Variants in CNTNAP1 observed in about 807,000 individuals in gnomAD.
CNTNAP1 encodes the protein contactin-associated protein 1.
A neutral mutation model predicts 161.5 loss-of-function variants in CNTNAP1; 80 were observed. The ratio of observed to expected loss-of-function variants is 0.50; its 90% confidence interval spans 0.41 to 0.60. The LOEUF is 0.60. Among genes scored for constraint, CNTNAP1 ranks in the 20% least tolerant of loss-of-function variants. The pLI is 0.00. For synonymous variants in CNTNAP1, 695 were observed against 733.1 expected (o/e 0.95, Z 0.84); for missense variants, 1,464 against 1,854.8 (o/e 0.79, Z 3.87).
chr17:42,686,476 T>TTTTTTG (rs1555642224), intron 6 of CNTNAP1, among the ~76,000 whole-genome samples: 102 of 116,964 alleles, frequency 8.7e-4, no homozygotes, highest in Middle Eastern at 3.9e-3. Context: ...CCTGTTTTTT[T>TTTTTTG]TTTTTTTTTT....
In CNTNAP1 at chr17:42,690,914, C is replaced by T. The variant is rs1266800723; in HGVS notation, c.2031C>T (p.Cys677=). 6.2e-7 allele frequency: 1 copy of T among 1,614,188 alleles called. No homozygotes were observed. The highest frequency in any genetic ancestry group is 8.5e-7 in the Non-Finnish European group (1 of 1,180,040). ...GTGAACAGTGGATCGAGTTCTCCTG[C>T]TACAATTCCCGGCTGCTCAACACTG... ...QHCEQWIEFS[C]YNSRLLNTAG... The change falls in exon 13 of 24, where the codon TGC becomes TGT. Residue 677 remains cysteine (C), a synonymous_variant. Transcript: ENST00000264638.
rs1320893924 is a variant in CNTNAP1 at position 42,691,496 on chromosome 17, C to T, written c.2329C>T (p.Arg777Cys). ...GGCCCAGTTCTTCCTGAGGCCTCTGCGCTGCTATGGCGATCGTGAGTGGCA... is the reference window on the plus strand; with the variant it reads ...GGCCCAGTTCTTCCTGAGGCCTCTGTGCTGCTATGGCGATCGTGAGTGGCA... ...SEAQFFLRPL[R>C]CYGDRNSWNT... The change falls in exon 15 of 24, where the codon CGC becomes TGC. Residue 777 changes from arginine (R) to cysteine (C), a missense_variant. Transcript: ENST00000264638. This position sits in a 1 kb window ranked among gnomAD's most constrained non-coding sequence, Gnocchi z 4.3. 3.1e-6 allele frequency: 5 copies of T among 1,613,934 alleles called. No individual in the cohort carries two copies. Among genetic ancestry groups the T allele is most frequent in the South Asian group, 1.1e-5 (1 of 91,074 alleles).
intron 10 of CNTNAP1, 118 bp downstream of exon 10, chr17:42,689,165 G>A: frequency 2.0e-6 from 2 of 994,400 alleles, no homozygotes; most frequent in South Asian, 1.7e-5. Context: ...TTAGTCCCCT[G>A]CTTGGGGATG....
chr17:42,692,313 G>A (rs1411432544), intron 16 of CNTNAP1, among the ~76,000 whole-genome samples, 186 bp from the exon 17 acceptor site: 4 of 152,210 alleles, frequency 2.6e-5, no homozygotes, highest in Non-Finnish European at 5.9e-5. Flanking sequence ...TCTGTGATGT[G>A]GGGAGAGACA....
At chr17:42,683,007 C>T (rs2052956526) in intron 1 of CNTNAP1, 111 bp downstream of exon 1, 3 of 1,026,772 alleles carry the variant, frequency 2.9e-6, no homozygotes, top group Non-Finnish European at 4.2e-6. Flanking sequence ...CCGGCCGGCG[C>T]GCGCCCGCTG....
Position 42,697,711 on chromosome 17 carries a change from G to C in CNTNAP1, c.3726G>C (p.Gln1242His), listed in dbSNP as rs755219641. 1 of 1,614,182 alleles carries C rather than the reference G, an allele frequency of 6.2e-7. No individual in the cohort carries two copies. Among genetic ancestry groups the C allele is most frequent in the South Asian group, 1.1e-5 (1 of 91,076 alleles). ...TAELAEALRV[Q>H]GELSESNCGA... ...AGCTAGCTGAGGCCCTTCGAGTTCAGGGAGAACTGTCCGAATCTAATTGCG... is the reference window on the plus strand; with the variant it reads ...AGCTAGCTGAGGCCCTTCGAGTTCACGGAGAACTGTCCGAATCTAATTGCG... The change falls in exon 22 of 24, where the codon CAG becomes CAC. Residue 1242 changes from glutamine to histidine, a missense_variant. Transcript: ENST00000264638.
chr17:42,689,492 C>T (rs773423660), intron 10 of CNTNAP1, 29 bp from the exon 11 acceptor site: 1 of 1,574,498 alleles, frequency 6.4e-7, no homozygotes, highest in African/African-American at 1.3e-5. Context: ...CAGTAAGGCT[C>T]CTTCCCTTGG....
chr17:42,698,621 T>G lies in CNTNAP1; in HGVS notation c.3866T>G (p.Leu1289Trp). ...EGWVAILLGF[L>W]VAFLLLGLVG... ...TTGTCCCTTTTCTTCTTTTCAGTTT[T>G]GGTGGCCTTTCTGCTGCTGGGGCTG... is the stretch of plus-strand genomic sequence containing the variant. The change falls in exon 24 of 24, where the codon TTG becomes TGG. Residue 1289 changes from leucine to tryptophan, a missense_variant. Leu to Trp is a moderately conservative substitution (Grantham distance 61, BLOSUM62 -2). Coordinates refer to ENST00000264638, the MANE Select transcript of CNTNAP1 (RefSeq NM_003632.3). 1 of 1,595,338 alleles carries G rather than the reference T, an allele frequency of 6.3e-7. No homozygotes were observed. The highest frequency in any genetic ancestry group is 8.6e-7 in the Non-Finnish European group (1 of 1,166,816).
chr17:42,683,543 C>T, intron 1 of CNTNAP1: 1 of 1,300,820 alleles, frequency 7.7e-7, no homozygotes, highest in Non-Finnish European at 9.8e-7. Flanking sequence ...TGGGAAAGTA[C>T]TAAACCAGGG....
rs1245789170 is a variant in CNTNAP1 at position 42,683,834 on chromosome 17, G to A, written c.81G>A (p.Glu27=). Residue 27 remains glutamate (E), a synonymous_variant, in exon 2 of 24, where the codon GAG becomes GAA. Transcript: ENST00000264638. ...TCCCTACCCTAGACGGCTGCGACGA[G>A]GAGCTGGTGGGTCCCCTGTATGCAC... ...AEGWGYYGCD[E]ELVGPLYARS... is the part of the protein sequence containing the mutation. 11 of 1,611,930 alleles carry A rather than the reference G, an allele frequency of 6.8e-6. No individual in the cohort carries two copies. Among genetic ancestry groups the A allele is most frequent in the Admixed American group, 1.7e-5 (1 of 59,996 alleles).
At chr17:42,683,772 G>A in intron 1 of CNTNAP1, 49 bp from the exon 2 acceptor site, 1 of 1,571,854 alleles carries the variant, frequency 6.4e-7, no homozygotes, top group Non-Finnish European at 8.6e-7. Context: ...GCCTTTGGAA[G>A]GGTCTGGGAG....
rs767568354 is a variant in CNTNAP1, at chr17:42,691,842, C to G, written c.2381C>G (p.Ala794Gly). The change falls in exon 16 of 24, where the codon GCT becomes GGT. Residue 794 changes from alanine (A) to glycine (G), a missense_variant. By Grantham distance (60) the Ala-to-Gly change is moderately conservative (BLOSUM62 0). Coordinates refer to ENST00000264638, the MANE Select transcript of CNTNAP1 (RefSeq NM_003632.3). This position sits in a 1 kb window ranked among gnomAD's most constrained non-coding sequence, Gnocchi z 4.3. The stretch of plus-strand genomic sequence containing the variant: ...AACACCATTTCCTTCCACACCGGGG[C>G]TGCACTACGCTTCCCCCCAATCCGT... ...SWNTISFHTG[A>G]ALRFPPIRAN... 6.2e-7 allele frequency: 1 copy of G among 1,614,146 alleles called. No individual in the cohort carries two copies. Among genetic ancestry groups the G allele is most frequent in the Non-Finnish European group, 8.5e-7 (1 of 1,180,016 alleles).
rs2052970901 is a variant in CNTNAP1, at chr17:42,683,898, G to GCGC, written c.148_150dup (p.Pro50dup). ...CTCCTCCTACTACAGTCTCCTTACT[G>GCGC]CGCCGAGATTCGCCAGGCTGCACGG... On this transcript the variant is annotated inframe_insertion, in exon 2 of 24. Coordinates refer to ENST00000264638, the MANE Select transcript of CNTNAP1 (RefSeq NM_003632.3). 6.2e-7 allele frequency: 1 copy of GCGC among 1,613,712 alleles called. No homozygotes were observed. Among genetic ancestry groups the GCGC allele is most frequent in the Non-Finnish European group, 8.5e-7 (1 of 1,179,998 alleles).
intron 16 of CNTNAP1, 45 bp downstream of exon 16, chr17:42,692,036 C>T: frequency 6.3e-7 from 1 of 1,588,820 alleles, no homozygotes; most frequent in Non-Finnish European, 8.6e-7. Flanking sequence ...GATGAAAGTG[C>T]TGTCTGGGGA....
chr17:42,690,645 G>C, intron 12 of CNTNAP1, 94 bp from the exon 13 acceptor site: 1 of 1,289,648 alleles, frequency 7.8e-7, no homozygotes, highest in Non-Finnish European at 1.1e-6. Flanking sequence ...ACGTTCAGTG[G>C]CTCTGAGTTG....
Position 42,688,453 on chromosome 17 carries a change from C to T in CNTNAP1, c.1307-9C>T. Reference sequence around the variant, plus strand: ...CCCTCCACCCACACCATCATCCATTCTTGTCCAGGGTACCGACTGAATGAC... The same window carrying T: ...CCCTCCACCCACACCATCATCCATTTTTGTCCAGGGTACCGACTGAATGAC... On this transcript the variant is annotated splice_polypyrimidine_tract_variant and intron_variant, in intron 8 of 23. Coordinates refer to ENST00000264638, the MANE Select transcript of CNTNAP1 (RefSeq NM_003632.3). 2 of 1,614,232 alleles carry T rather than the reference C, an allele frequency of 1.2e-6. No individual in the cohort carries two copies. The highest frequency in any genetic ancestry group is 4.5e-5 in the East Asian group (2 of 44,882).
At chr17:42,694,706 T>C (rs141767116) in intron 18 of CNTNAP1, among the ~76,000 whole-genome samples, 4 of 151,954 alleles carry the variant, frequency 2.6e-5, no homozygotes, top group African/African-American at 7.3e-5. Context: ...CCCTTGTCAA[T>C]GTATTTGATG....
intron 18 of CNTNAP1, 149 bp from the exon 19 acceptor site, chr17:42,695,372 G>C: frequency 1.5e-6 from 1 of 647,124 alleles, no homozygotes; most frequent in South Asian, 1.9e-5. Context: ...CTGTGACAGA[G>C]GGGCTCAAGG....
chr17:42,684,137 T>C lies in CNTNAP1; in HGVS notation c.271T>C (p.Phe91Leu). 6.2e-7 allele frequency: 1 copy of C among 1,614,224 alleles called. No individual in the cohort carries two copies. The change falls in exon 3 of 24, where the codon TTT becomes CTT. Residue 91 changes from phenylalanine to leucine, a missense_variant. Coordinates refer to ENST00000264638, the MANE Select transcript of CNTNAP1 (RefSeq NM_003632.3). The stretch of plus-strand genomic sequence containing the variant: ...CCGGGCCGTGGCCACACAGGGCTCC[T>C]TTAATTCTTGGGACTGGGTCACACG... ...RIRAVATQGSFNSWDWVTRYM... is the reference protein window; with the variant it reads ...RIRAVATQGSLNSWDWVTRYM...
Sources: allele counts gnomAD v4.1 joint callset (sites outside exome capture counted in the v4.1 genomes callset), GRCh38; gene constraint gnomAD v4.1.1; non-coding constraint Gnocchi (gnomAD v3.1); transcripts MANE v1.5; gene names NCBI Gene and HGNC (gene_info 2026-07-23, HGNC 2026-07-21).